SGCD: variants seen among roughly 807,000 people sequenced by gnomAD.
SGCD encodes the protein delta-sarcoglycan.
SGCD carries 18 observed loss-of-function variants against 36.6 expected under a neutral mutation model. The ratio of observed to expected loss-of-function variants is 0.49; its 90% confidence interval spans 0.34 to 0.73. SGCD has a LOEUF of 0.73. Ranked by LOEUF, SGCD falls within the 30% of genes least tolerant of loss-of-function variation. The pLI, the probability that SGCD is intolerant of heterozygous loss-of-function variation, is 0.01. For missense variants in SGCD, 387 were observed against 346.7 expected (o/e 1.12, Z -0.92); for synonymous variants, 133 against 130.6 (o/e 1.02, Z -0.12).
chr5:156,034,703 C>T (rs969331689), intron 1 of SGCD, among the ~76,000 whole-genome samples: 3 of 152,152 alleles, frequency 2.0e-5, no homozygotes, highest in Non-Finnish European at 4.4e-5. Flanking sequence ...ATCAGTTGGT[C>T]ATGTGAAATT....
At chr5:155,758,777 A>C in the SGCD span, among the ~76,000 whole-genome samples, 4 of 152,146 alleles carry the variant, frequency 2.6e-5, no homozygotes, top group Admixed American at 2.6e-4. Context: ...ATTGTCTTCC[A>C]CAAAACTGGT....
chr5:156,434,675 C>A (rs1489276052), intron 3 of SGCD, among the ~76,000 whole-genome samples: 3 of 152,070 alleles, frequency 2.0e-5, no homozygotes, highest in African/African-American at 7.2e-5. Flanking sequence ...CCACAGAAAA[C>A]CAAATTAGCC....
At chr5:156,518,824 A>G (rs1437128864) in intron 4 of SGCD, among the ~76,000 whole-genome samples, 18 of 152,230 alleles carry the variant, frequency 1.2e-4, no homozygotes, top group Admixed American at 1.1e-3. Flanking sequence ...GGGACAATGT[A>G]CCAGAATCTC....
At chr5:156,530,585 CT>C (rs1027316599) in intron 4 of SGCD, among the ~76,000 whole-genome samples, 2 of 141,836 alleles carry the variant, frequency 1.4e-5, no homozygotes, top group African/African-American at 2.6e-5. Flanking sequence ...TTTTCTTTTT[CT>C]TTTTTTTTCC....
rs1227859580 is a variant in SGCD at position 156,354,343 on chromosome 5, C to T, written c.192+9666C>T. Among the ~76,000 whole-genome samples the T allele has an allele frequency of 2.6e-5, 4 of 151,898 alleles. No homozygotes were observed. The East Asian group carries it at 5.8e-4, about 22-fold the overall frequency. On this transcript the variant is annotated intron_variant, in intron 3 of 8. Coordinates refer to ENST00000337851, the MANE Select transcript of SGCD (RefSeq NM_000337.6). ...TTGGGGAGCCTCAGGCATAATGGTT[C>T]TAGTATTGAGAGCTTAGGCCACTGG...
chr5:155,941,140 G>A (rs1476832941), intron 1 of SGCD, among the ~76,000 whole-genome samples: 1 of 152,126 alleles, frequency 6.6e-6, no homozygotes, highest in African/African-American at 2.4e-5. Flanking sequence ...GAACAAGAGA[G>A]AGCCGAACTG....
intron 5 of SGCD, among the ~76,000 whole-genome samples, chr5:156,593,088 A>G (rs1297964371): frequency 6.6e-6 from 1 of 152,158 alleles, no homozygotes; most frequent in Non-Finnish European, 1.5e-5. Context: ...CAAACTTTCT[A>G]TAACATAGAT....
chr5:156,129,679 C>T (rs1282125650), intron 3 of SGCD, among the ~76,000 whole-genome samples: 1 of 152,092 alleles, frequency 6.6e-6, no homozygotes. Flanking sequence ...TCTGTTGTTC[C>T]CTTCTTTGTG....
At chr5:155,742,539 A>G in the SGCD span, among the ~76,000 whole-genome samples, 1 of 152,218 alleles carries the variant, frequency 6.6e-6, no homozygotes, top group Non-Finnish European at 1.5e-5. Flanking sequence ...GAAGGAAGTG[A>G]GTATCAATGT....
At chr5:156,293,062 T>C (rs1766801478) in intron 3 of SGCD, among the ~76,000 whole-genome samples, 1 of 152,010 alleles carries the variant, frequency 6.6e-6, no homozygotes, top group Non-Finnish European at 1.5e-5. Flanking sequence ...TTGCCTTTCT[T>C]TTCTGTTTTT....
chr5:156,620,962 ATTAT>A (rs1358910782), intron 6 of SGCD, among the ~76,000 whole-genome samples: 1 of 152,224 alleles, frequency 6.6e-6, no homozygotes, highest in Non-Finnish European at 1.5e-5. Context: ...ATAGTTAGAC[ATTAT>A]TTATGTTGCA....
At chr5:156,389,194 C>T (rs988829485) in intron 3 of SGCD, among the ~76,000 whole-genome samples, 7 of 152,212 alleles carry the variant, frequency 4.6e-5, no homozygotes, top group African/African-American at 1.7e-4. Flanking sequence ...AAGCTGGGGG[C>T]AACCAGAACC....
chr5:156,487,844 G>T (rs1443299485), intron 3 of SGCD, among the ~76,000 whole-genome samples: 1 of 71,356 alleles, frequency 1.4e-5, no homozygotes, highest in Admixed American at 1.5e-4. Flanking sequence ...TAACAAAAAA[G>T]AAATCTATGA....
chr5:156,069,213 A>G (rs1455015102), intron 1 of SGCD, among the ~76,000 whole-genome samples: 1 of 152,066 alleles, frequency 6.6e-6, no homozygotes, highest in East Asian at 1.9e-4. Flanking sequence ...CTATGTCCTG[A>G]ATGGTAATGC....
chr5:156,595,314 G>A (rs959020981), intron 6 of SGCD, among the ~76,000 whole-genome samples: 1 of 152,080 alleles, frequency 6.6e-6, no homozygotes, highest in African/African-American at 2.4e-5. Flanking sequence ...CAAGAAGTCA[G>A]CAGTCTGCAA....
chr5:156,481,444 G>A (rs920134544), intron 3 of SGCD, among the ~76,000 whole-genome samples: 8 of 152,184 alleles, frequency 5.3e-5, no homozygotes, highest in African/African-American at 1.7e-4. Context: ...GACTTTTCAA[G>A]AGAAACTCAT....
chr5:156,127,842 G>A (rs1297888860), intron 3 of SGCD, among the ~76,000 whole-genome samples: 1 of 35,306 alleles, frequency 2.8e-5, no homozygotes, highest in Non-Finnish European at 5.6e-5. Context: ...AGAACAGACT[G>A]AAACATAAAT....
At chr5:156,152,297 A>C (rs1412213078) in intron 3 of SGCD, among the ~76,000 whole-genome samples, 1 of 151,632 alleles carries the variant, frequency 6.6e-6, no homozygotes, top group Non-Finnish European at 1.5e-5. Flanking sequence ...TGACTATTTT[A>C]AATATTGTTT....
At chr5:156,751,184 A>C (rs1206773842) in intron 7 of SGCD, among the ~76,000 whole-genome samples, 1 of 152,230 alleles carries the variant, frequency 6.6e-6, no homozygotes, top group African/African-American at 2.4e-5. Flanking sequence ...ATAATAGACT[A>C]GAAAACCCCA....
Sources: allele counts gnomAD v4.1 joint callset (sites outside exome capture counted in the v4.1 genomes callset), GRCh38; gene constraint gnomAD v4.1.1; transcripts MANE v1.5; gene names NCBI Gene and HGNC (gene_info 2026-07-23, HGNC 2026-07-21).